Variants in CFAP53 observed in about 807,000 individuals in gnomAD.
CFAP53 encodes the protein cilia and flagella associated protein 53.
A neutral mutation model predicts 59.7 loss-of-function variants in CFAP53; 62 were observed. The observed-to-expected ratio is 1.04, with a 90% CI of 0.85 to 1.28. CFAP53 has a LOEUF of 1.28. Among genes scored for constraint, CFAP53 ranks in the 50% most tolerant of loss-of-function variants. The pLI is 0.00. For synonymous variants in CFAP53, 218 were observed against 205.7 expected (o/e 1.06, Z -0.51); for missense variants, 629 against 615.6 (o/e 1.02, Z -0.23).
In CFAP53 at chr18:50,255,576, C is replaced by CAAA. The variant is rs71169497; in HGVS notation, c.474-3795_474-3793dup. 7.3e-4 allele frequency among the ~76,000 whole-genome samples: 110 copies of CAAA among 150,090 alleles called. 3 individuals carry two copies. Among genetic ancestry groups the CAAA allele is most frequent in the Non-Finnish European group, 6.2e-4 (42 of 67,522 alleles). On this transcript the variant is annotated intron_variant, in intron 3 of 7. Coordinates refer to ENST00000398545, the MANE Select transcript of CFAP53 (RefSeq NM_145020.5). ...ATTATTTAAAATTAAAAATTAAATACAAAAAAAAACCACTGGTAATTTTTT... is the reference window on the plus strand; with the variant it reads ...ATTATTTAAAATTAAAAATTAAATACAAAAAAAAAAAACCACTGGTAATTTTTT...
intron 5 of CFAP53, among the ~76,000 whole-genome samples, chr18:50,244,783 AG>A (rs1405614866): frequency 6.6e-6 from 1 of 152,088 alleles, no homozygotes; most frequent in Non-Finnish European, 1.5e-5. Flanking sequence ...AAACTTGGCC[AG>A]GCATGGTGGC....
intron 4 of CFAP53, 113 bp from the exon 5 acceptor site, chr18:50,251,089 G>T: frequency 1.2e-6 from 1 of 865,904 alleles, no homozygotes; most frequent in Non-Finnish European, 1.8e-6. Context: ...CACACACCTG[G>T]ATTTAGAGAG....
At chr18:50,232,170 T>C (rs1234469544) in intron 7 of CFAP53, among the ~76,000 whole-genome samples, 1 of 152,266 alleles carries the variant, frequency 6.6e-6, no homozygotes, top group East Asian at 1.9e-4. Flanking sequence ...CCAAGCAGCA[T>C]GTTTTCTAGT....
At chr18:50,248,531 C>T (rs1290864371) in intron 5 of CFAP53, among the ~76,000 whole-genome samples, 1 of 152,088 alleles carries the variant, frequency 6.6e-6, no homozygotes, top group Non-Finnish European at 1.5e-5. Context: ...TGCCTGTAAT[C>T]CAAGCACTTT....
intron 7 of CFAP53, 95 bp downstream of exon 7, chr18:50,238,508 T>A: frequency 1.4e-6 from 1 of 732,562 alleles, no homozygotes; most frequent in Non-Finnish European, 2.3e-6. Flanking sequence ...TTCCTCAGCC[T>A]CCCAAAGTAC....
intron 7 of CFAP53, among the ~76,000 whole-genome samples, chr18:50,231,630 G>C (rs771892029): frequency 1.3e-5 from 2 of 152,134 alleles, no homozygotes; most frequent in Non-Finnish European, 2.9e-5. Context: ...TATCTCTTTG[G>C]CAACTGACAG....
rs983673145 is a variant in CFAP53, at chr18:50,256,991, C to T, written c.473+4073G>A. Among the ~76,000 whole-genome samples, 5 of 149,430 alleles carry T rather than the reference C, an allele frequency of 3.3e-5. No homozygotes were observed. In the East Asian group the frequency reaches 5.9e-4, roughly 18 times the overall value. On this transcript the variant is annotated intron_variant, in intron 3 of 7. Coordinates refer to ENST00000398545, the MANE Select transcript of CFAP53 (RefSeq NM_145020.5). Reference sequence around the variant, plus strand: ...TAAGTGACACTCACTCTCACAGAGCCTGGCATGAAGTAGGAGCCCAAAAAT... The same window carrying T: ...TAAGTGACACTCACTCTCACAGAGCTTGGCATGAAGTAGGAGCCCAAAAAT...
intron 5 of CFAP53, among the ~76,000 whole-genome samples, chr18:50,244,876 C>T (rs1436533319): frequency 6.6e-6 from 1 of 151,160 alleles, no homozygotes; most frequent in East Asian, 2.1e-4. Context: ...GCCTGGCCAA[C>T]ATGGTAAAAC....
intron 6 of CFAP53, among the ~76,000 whole-genome samples, chr18:50,240,294 C>A (rs1236028058): frequency 6.6e-6 from 1 of 152,176 alleles, no homozygotes; most frequent in East Asian, 1.9e-4. Flanking sequence ...ACCTGCTCCA[C>A]CCTAACTCAT....
At chr18:50,249,453 G>A (rs2033777296) in intron 5 of CFAP53, among the ~76,000 whole-genome samples, 1 of 151,842 alleles carries the variant, frequency 6.6e-6, no homozygotes, top group South Asian at 2.1e-4. Context: ...GGGAAGTTGA[G>A]GCTGCAGGGA....
At chr18:50,234,644 G>A (rs1458508680) in intron 7 of CFAP53, among the ~76,000 whole-genome samples, 2 of 152,210 alleles carry the variant, frequency 1.3e-5, no homozygotes, top group African/African-American at 4.8e-5. Context: ...ATTAAATGGA[G>A]AGGACGTGCA....
At chr18:50,257,520 T>C (rs1421530759) in intron 3 of CFAP53, among the ~76,000 whole-genome samples, 1 of 152,138 alleles carries the variant, frequency 6.6e-6, no homozygotes, top group Non-Finnish European at 1.5e-5. Flanking sequence ...CCATTTACAA[T>C]AGCCATAAAT....
intron 7 of CFAP53, 134 bp from the exon 8 acceptor site, chr18:50,227,743 T>C (rs1176633551): frequency 4.5e-6 from 3 of 666,110 alleles, no homozygotes; most frequent in Non-Finnish European, 5.2e-6. Flanking sequence ...GGAGAAGAAA[T>C]AGATGAAAAA....
intron 7 of CFAP53, among the ~76,000 whole-genome samples, chr18:50,231,734 G>T (rs964239768): frequency 6.6e-6 from 1 of 152,220 alleles, no homozygotes; most frequent in Non-Finnish European, 1.5e-5. Context: ...TCTCTGGTCA[G>T]AAGTCCCTAA....
chr18:50,237,921 G>A (rs2033653690), intron 7 of CFAP53, among the ~76,000 whole-genome samples: 1 of 134,566 alleles, frequency 7.4e-6, no homozygotes, highest in Non-Finnish European at 1.6e-5. Flanking sequence ...TGCTAATCTA[G>A]CTGATTAGGC....
chr18:50,261,252 CAAAAAA>C lies in CFAP53; in HGVS notation c.300-21_300-16del, dbSNP rs71169499. 504 of 1,212,706 alleles carry C rather than the reference CAAAAAA, an allele frequency of 4.2e-4. No homozygotes were observed. Among genetic ancestry groups the C allele is most frequent in the South Asian group, 1.1e-3 (52 of 45,972 alleles). 75.1% of individuals were successfully genotyped at this position (1,212,706 alleles called of 1,614,324 possible). ...GCTCACGTAGCCTGAAACAAAAAGCCAAAAAAAAAAAAAAAAAAAGAAAACTGTCAT... is the reference window on the plus strand; with the variant it reads ...GCTCACGTAGCCTGAAACAAAAAGCCAAAAAAAAAAAAAGAAAACTGTCAT... On this transcript the variant is annotated splice_polypyrimidine_tract_variant and intron_variant, in intron 2 of 7. Transcript: ENST00000398545.
intron 6 of CFAP53, among the ~76,000 whole-genome samples, chr18:50,241,525 A>G (rs148071794): frequency 2.2e-4 from 33 of 152,318 alleles, no homozygotes; most frequent in African/African-American, 6.0e-4. Context: ...CAATATTTCA[A>G]CGTAGGTCCT....
At chr18:50,248,882 A>G (rs2033770915) in intron 5 of CFAP53, among the ~76,000 whole-genome samples, 1 of 152,062 alleles carries the variant, frequency 6.6e-6, no homozygotes, top group African/African-American at 2.4e-5. Context: ...CCTGGAAACA[A>G]CTCAAATGTC....
At chr18:50,262,609 T>G (rs753639897) in intron 1 of CFAP53, among the ~76,000 whole-genome samples, 6 of 152,204 alleles carry the variant, frequency 3.9e-5, no homozygotes, top group Non-Finnish European at 8.8e-5. Flanking sequence ...GACCTTGACA[T>G]TGCCACTCAT....
Sources: allele counts gnomAD v4.1 joint callset (sites outside exome capture counted in the v4.1 genomes callset), GRCh38; gene constraint gnomAD v4.1.1; transcripts MANE v1.5; gene names NCBI Gene and HGNC (gene_info 2026-07-23, HGNC 2026-07-21).